Variants in SLC25A14 observed in about 807,000 individuals in gnomAD.
SLC25A14 encodes the protein solute carrier family 25 member 14.
In SLC25A14, 8 loss-of-function variants were observed where a neutral mutation model predicts 28.1. The ratio of observed to expected loss-of-function variants is 0.28; its 90% confidence interval spans 0.17 to 0.51. The LOEUF (loss-of-function observed/expected upper bound fraction) is 0.51, where lower values mean the gene tolerates loss of function less well. SLC25A14 is among the 20% of genes least tolerant of loss of function. The pLI is 0.97. For missense variants in SLC25A14, 135 were observed against 263.8 expected, an observed-to-expected ratio of 0.51 and a Z score of 3.38; for synonymous variants, 74 against 90.6, an observed-to-expected ratio of 0.82 and a Z score of 1.04.
Position 130,365,684 on chromosome X carries a change from C to T in SLC25A14, c.855+8C>T, listed in dbSNP as rs1318115685. On this transcript the variant is annotated splice_region_variant and intron_variant, in intron 9 of 10. Transcript: ENST00000545805. ...GTTGATGGTATTTTAAAGGTAAGTA[C>T]ATTGTGGATTTGGGTTACAATTTGG... 1 of 1,187,115 alleles carries T rather than the reference C, an allele frequency of 8.4e-7. No homozygotes were observed. Among genetic ancestry groups the T allele is most frequent in the Admixed American group, 2.2e-5 (1 of 45,425 alleles).
At chrX:130,351,915 G>GT (rs957929071) in intron 6 of SLC25A14, among the ~76,000 whole-genome samples, 7 of 110,013 alleles carry the variant, frequency 6.4e-5, no homozygotes, top group Non-Finnish European at 1.1e-4. Flanking sequence ...TACAGAACAA[G>GT]TTTTTTTTTC....
intron 9 of SLC25A14, among the ~76,000 whole-genome samples, 180 bp downstream of exon 9, chrX:130,365,856 G>A (rs16999665): frequency 0.031 from 3,424 of 112,115 alleles, 113 homozygotes; most frequent in African/African-American, 0.1. Context: ...CTAATTTGCA[G>A]TGGTACTTAA....
chrX:130,361,598 A>T (rs2033967420), intron 7 of SLC25A14, among the ~76,000 whole-genome samples: 1 of 112,470 alleles, frequency 8.9e-6, no homozygotes, highest in Non-Finnish European at 1.9e-5. Flanking sequence ...CTTTCTTCCT[A>T]ACTTCATTGT....
Position 130,373,039 on chromosome X carries a change from A to C in SLC25A14, c.*89A>C. The C allele has an allele frequency of 1.4e-6, 1 of 729,715 alleles. No homozygotes were observed. The highest frequency in any genetic ancestry group is 3.4e-5 in the East Asian group (1 of 29,059). The allele number at this position is 729,715 out of a possible 1,213,427, so 60.1% of individuals were successfully genotyped here. A position where few individuals can be genotyped will look rare whatever the true frequency, so the allele number is the denominator to read the frequency against. ...TCTAATGTATTTTGACAATGTTGTAAGTGTTTACCAAGCCGTTGGTCTCCT... is the reference window on the plus strand; with the variant it reads ...TCTAATGTATTTTGACAATGTTGTACGTGTTTACCAAGCCGTTGGTCTCCT... On this transcript the variant is annotated 3_prime_UTR_variant, in exon 11 of 11. Coordinates refer to ENST00000545805, the MANE Select transcript of SLC25A14 (RefSeq NM_001282195.2).
At chrX:130,356,520 C>T (rs1442010356) in intron 6 of SLC25A14, among the ~76,000 whole-genome samples, 1 of 111,113 alleles carries the variant, frequency 9.0e-6, no homozygotes, top group African/African-American at 3.3e-5. Flanking sequence ...TGAGCCACTG[C>T]GCCTGGCCAA....
chrX:130,339,986 A>C lies in SLC25A14; in HGVS notation c.-173+10A>C, dbSNP rs935227246. Reference sequence around the variant, plus strand: ...CGATGAGCCCGAGCAGGTGAGGGGGAGCTCCTGGACTTCCAGGCTGGGGAG... The same window carrying C: ...CGATGAGCCCGAGCAGGTGAGGGGGCGCTCCTGGACTTCCAGGCTGGGGAG... On this transcript the variant is annotated intron_variant, in intron 1 of 10. Coordinates refer to ENST00000545805, the MANE Select transcript of SLC25A14 (RefSeq NM_001282195.2). 7.5e-5 allele frequency: 68 copies of C among 906,118 alleles called. No homozygotes were observed. Among genetic ancestry groups the C allele is most frequent in the Non-Finnish European group, 9.0e-5 (66 of 737,143 alleles). The allele number at this position is 906,118 out of a possible 1,213,427, so 74.7% of individuals were successfully genotyped here.
chrX:130,367,658 C>T (rs1159170120), intron 9 of SLC25A14, among the ~76,000 whole-genome samples: 8 of 111,627 alleles, frequency 7.2e-5, no homozygotes, highest in East Asian at 5.6e-4. Context: ...AATTCTTTCC[C>T]GTAATAATGA....
rs769029717 is a variant in SLC25A14 at position 130,355,791 on chromosome X, T to TTTTA, written c.499-2829_499-2826dup. ...AGTACCCCACTCCTGTCCATATACC[T>TTTTA]TTTATTTATTTATTTATTTATTTGC... On this transcript the variant is annotated intron_variant, in intron 6 of 10. Coordinates refer to ENST00000545805, the MANE Select transcript of SLC25A14 (RefSeq NM_001282195.2). Among the ~76,000 whole-genome samples, 199 of 112,062 alleles carry TTTTA rather than the reference T, an allele frequency of 1.8e-3. 1 individual carries two copies. The highest frequency in any genetic ancestry group is 5.8e-3 in the African/African-American group (179 of 30,892).
At chrX:130,349,864 T>G (rs917822931) in intron 5 of SLC25A14, 1 of 111,970 alleles carries the variant, frequency 8.9e-6, no homozygotes, top group African/African-American at 3.2e-5. Flanking sequence ...TGGAAAGCCT[T>G]TCGGTTAGTA....
chrX:130,357,985 T>A (rs1461970849), intron 6 of SLC25A14, among the ~76,000 whole-genome samples: 1 of 112,235 alleles, frequency 8.9e-6, no homozygotes. Flanking sequence ...TAGAAAAATA[T>A]GGAAGGCAGA....
rs916279802 is a variant in SLC25A14, at chrX:130,339,960, C to T, written c.-189C>T. ...GTGGGAGCCTCAGCTTCCCAGTCGT[C>T]CGATGAGCCCGAGCAGGTGAGGGGG... is the stretch of plus-strand genomic sequence containing the variant. On this transcript the variant is annotated 5_prime_UTR_variant, in exon 1 of 11. Coordinates refer to ENST00000545805, the MANE Select transcript of SLC25A14 (RefSeq NM_001282195.2). The T allele has an allele frequency of 1.2e-6, 1 of 860,448 alleles. No homozygotes were observed. Among genetic ancestry groups the T allele is most frequent in the Non-Finnish European group, 1.4e-6 (1 of 708,443 alleles). 70.9% of individuals were successfully genotyped at this position (860,448 alleles called of 1,213,427 possible).
intron 9 of SLC25A14, among the ~76,000 whole-genome samples, chrX:130,366,501 A>G (rs2034120900): frequency 8.9e-6 from 1 of 112,047 alleles, no homozygotes; most frequent in Admixed American, 9.5e-5. Flanking sequence ...GTAGACACTG[A>G]AGCACTGAAA....
Position 130,373,004 on chromosome X carries a change from T to C in SLC25A14, c.*54T>C, listed in dbSNP as rs2034303001. ...GCCAGCCTTTCTACTCCTTTGCCCT[T>C]TTCCCGTGTTCTAATGTATTTTGAC... On this transcript the variant is annotated 3_prime_UTR_variant, in exon 11 of 11. Coordinates refer to ENST00000545805, the MANE Select transcript of SLC25A14 (RefSeq NM_001282195.2). 2 of 921,686 alleles carry C rather than the reference T, an allele frequency of 2.2e-6. No individual in the cohort carries two copies. The highest frequency in any genetic ancestry group is 3.1e-6 in the Non-Finnish European group (2 of 645,334). 76.0% of individuals were successfully genotyped at this position (921,686 alleles called of 1,213,427 possible).
chrX:130,345,559 AG>A (rs1308952782), intron 3 of SLC25A14, among the ~76,000 whole-genome samples: 1 of 111,481 alleles, frequency 9.0e-6, no homozygotes, highest in Non-Finnish European at 1.9e-5. Flanking sequence ...ATATGTCATA[AG>A]GGTTTTTGCT....
chrX:130,367,794 G>T (rs1569456318), intron 9 of SLC25A14, among the ~76,000 whole-genome samples: 1 of 112,187 alleles, frequency 8.9e-6, no homozygotes, highest in Non-Finnish European at 1.9e-5. Context: ...AAACACTGCA[G>T]AATACCAATT....
intron 3 of SLC25A14, among the ~76,000 whole-genome samples, 165 bp from the exon 4 acceptor site, chrX:130,346,379 C>T (rs986370771): frequency 9.0e-6 from 1 of 111,720 alleles, no homozygotes; most frequent in East Asian, 2.8e-4. Flanking sequence ...TTTCACTTAC[C>T]ACATGCAACT....
At chrX:130,367,807 T>A (rs976279362) in intron 9 of SLC25A14, among the ~76,000 whole-genome samples, 7 of 111,879 alleles carry the variant, frequency 6.3e-5, no homozygotes, top group Non-Finnish European at 1.3e-4. Flanking sequence ...TACCAATTTT[T>A]ATTTATTTAT....
In SLC25A14 at chrX:130,368,508, T is replaced by C. The variant is rs1401365062; in HGVS notation, c.855+2832T>C. The stretch of plus-strand genomic sequence containing the variant: ...CCCTGTGTTTATGACACTTAGATTC[T>C]AATAGAAGGAGATAAACACAGGAAG... On this transcript the variant is annotated intron_variant, in intron 9 of 10. Coordinates refer to ENST00000545805, the MANE Select transcript of SLC25A14 (RefSeq NM_001282195.2). Among the ~76,000 whole-genome samples, 13 of 112,214 alleles carry C rather than the reference T, an allele frequency of 1.2e-4. No individual in the cohort carries two copies. The Admixed American group carries it at 1.2e-3, about 11-fold the overall frequency.
intron 6 of SLC25A14, among the ~76,000 whole-genome samples, chrX:130,353,940 A>C (rs757313453): frequency 9.0e-6 from 1 of 111,265 alleles, no homozygotes; most frequent in African/African-American, 3.3e-5. Flanking sequence ...TTGTTACTAC[A>C]CTATTTAGAT....
Sources: gnomAD v4.1 joint callset for allele counts (sites outside exome capture counted in the v4.1 genomes callset) on GRCh38, gnomAD v4.1.1 for gene constraint, MANE v1.5 for transcripts, NCBI Gene and HGNC (gene_info 2026-07-23, HGNC 2026-07-21) for gene names.